Variants in VWA8 observed in about 807,000 individuals in gnomAD.
VWA8 encodes von Willebrand factor A domain containing 8, also known as von Willebrand factor A domain-containing protein 8.
A neutral mutation model predicts 241.5 loss-of-function variants in VWA8; 221 were observed. That is an observed-to-expected ratio of 0.91 (90% CI 0.82 to 1.02). The LOEUF is 1.02. Among genes scored for constraint, VWA8 ranks in the 50% least tolerant of loss-of-function variants. VWA8 has a pLI of 0.00. For missense variants in VWA8, 2,322 were observed against 2,328.7 expected, an observed-to-expected ratio of 1.00 and a Z score of 0.06; for synonymous variants, 852 against 827.1, an observed-to-expected ratio of 1.03 and a Z score of -0.52.
chr13:41,807,810 T>G (rs1870281919), intron 17 of VWA8: 1 of 152,208 alleles, frequency 6.6e-6, no homozygotes, highest in Middle Eastern at 3.4e-3. Flanking sequence ...AGCATCAATA[T>G]GGTAATCTCC....
chr13:41,599,140 T>G (rs1168533961), intron 40 of VWA8, among the ~76,000 whole-genome samples: 1 of 152,150 alleles, frequency 6.6e-6, no homozygotes, highest in Non-Finnish European at 1.5e-5. Flanking sequence ...TTTTACTAAT[T>G]AGCTTTCTTA....
chr13:41,840,892 T>G (rs1470108726), intron 12 of VWA8, among the ~76,000 whole-genome samples: 1 of 152,086 alleles, frequency 6.6e-6, no homozygotes, highest in Non-Finnish European at 1.5e-5. Flanking sequence ...GAACAACATG[T>G]TAAAGAGTTA....
At chr13:41,584,455 G>A (rs2044403964) in intron 42 of VWA8, among the ~76,000 whole-genome samples, 1 of 152,134 alleles carries the variant, frequency 6.6e-6, no homozygotes, top group Non-Finnish European at 1.5e-5. Flanking sequence ...GGTCCACCTT[G>A]TCCCTCCAGA....
At chr13:41,916,112 G>C (rs1876241027) in intron 2 of VWA8, among the ~76,000 whole-genome samples, 1 of 152,140 alleles carries the variant, frequency 6.6e-6, no homozygotes, top group Non-Finnish European at 1.5e-5. Context: ...CTGTATAATA[G>C]ATACAATTGT....
At chr13:41,851,589 A>G (rs1872535450) in intron 12 of VWA8, among the ~76,000 whole-genome samples, 1 of 152,126 alleles carries the variant, frequency 6.6e-6, no homozygotes, top group African/African-American at 2.4e-5. Flanking sequence ...AGGGGTTTCC[A>G]CTTTCACTTC....
At chr13:41,578,046 C>A (rs9566798) in intron 42 of VWA8, among the ~76,000 whole-genome samples, 3,271 of 152,254 alleles carry the variant, frequency 0.021, 82 homozygotes, top group East Asian at 0.1. Flanking sequence ...ATCTATCTAC[C>A]ATTTAAATAT....
At chr13:41,795,783 G>T (rs528311883) in intron 17 of VWA8, among the ~76,000 whole-genome samples, 6 of 152,156 alleles carry the variant, frequency 3.9e-5, no homozygotes, top group African/African-American at 1.4e-4. Flanking sequence ...AACACACACT[G>T]GAGCCTCTTG....
At chr13:41,866,286 T>G (rs1047162309) in intron 10 of VWA8, among the ~76,000 whole-genome samples, 3 of 151,408 alleles carry the variant, frequency 2.0e-5, no homozygotes, top group African/African-American at 4.9e-5. Context: ...GAGGCGGAGG[T>G]TGCAGTGAGC....
intron 37 of VWA8, among the ~76,000 whole-genome samples, chr13:41,626,088 G>T (rs867387131): frequency 4.4e-5 from 5 of 113,046 alleles, no homozygotes; most frequent in South Asian, 4.0e-4. Context: ...GTTGTGGGGT[G>T]GGGGGAGGGG....
chr13:41,891,637 C>G, intron 4 of VWA8, 50 bp from the exon 5 acceptor site: 1 of 1,594,484 alleles, frequency 6.3e-7, no homozygotes, highest in Non-Finnish European at 8.6e-7. Context: ...AGTTGCAGAG[C>G]TTGGCCTAAC....
At chr13:41,777,911 C>G in intron 20 of VWA8, 74 bp downstream of exon 20, 1 of 1,308,768 alleles carries the variant, frequency 7.6e-7, no homozygotes, top group Non-Finnish European at 1.1e-6. Context: ...CTGATTCCAA[C>G]AAGAAGAAAC....
At chr13:41,821,079 C>A (rs975211053) in intron 14 of VWA8, among the ~76,000 whole-genome samples, 1 of 152,196 alleles carries the variant, frequency 6.6e-6, no homozygotes, top group Admixed American at 6.5e-5. Flanking sequence ...TAATTTATAT[C>A]CTTAAACCAG....
At chr13:41,895,792 A>G (rs747843307) in intron 4 of VWA8, among the ~76,000 whole-genome samples, 20 of 146,556 alleles carry the variant, frequency 1.4e-4, no homozygotes, top group Non-Finnish European at 2.9e-4. Context: ...AACAAACTTC[A>G]GTTTAAGCCT....
chr13:41,948,587 A>G (rs1327047614), intron 2 of VWA8, among the ~76,000 whole-genome samples: 1 of 152,210 alleles, frequency 6.6e-6, no homozygotes, highest in East Asian at 1.9e-4. Context: ...TGGTAGACTA[A>G]GATTAAAAAG....
intron 13 of VWA8, among the ~76,000 whole-genome samples, chr13:41,832,936 TTCTC>T (rs1390158901): frequency 6.7e-6 from 1 of 149,798 alleles, no homozygotes; most frequent in African/African-American, 2.5e-5. Context: ...AAAACTACTT[TTCTC>T]TCTCTCAAAA....
chr13:41,581,148 C>G (rs1039031241), intron 42 of VWA8, among the ~76,000 whole-genome samples: 1 of 127,478 alleles, frequency 7.8e-6, no homozygotes, highest in Non-Finnish European at 1.5e-5. Context: ...CTACAGGCGC[C>G]CGCCACCTCG....
intron 43 of VWA8, among the ~76,000 whole-genome samples, chr13:41,574,616 G>A (rs2044339497): frequency 6.6e-6 from 1 of 152,118 alleles, no homozygotes; most frequent in Non-Finnish European, 1.5e-5. Context: ...GATAGCCAAA[G>A]CAATACTAAG....
chr13:41,670,938 A>C lies in VWA8; in HGVS notation c.4611+8T>G. 6.2e-7 allele frequency: 1 copy of C among 1,613,220 alleles called. No individual in the cohort carries two copies. The highest frequency in any genetic ancestry group is 8.5e-7 in the Non-Finnish European group (1 of 1,179,706). On this transcript the variant is annotated splice_region_variant and intron_variant, in intron 37 of 44. Transcript: ENST00000379310. ...ACCTCTAAGAGATAAGGTGAATTCA[A>C]ATGGTACCTGCATATTTCTGTCATC...
chr13:41,947,943 AAAAAAAAAAACAAAAC>A (rs1050144001), intron 2 of VWA8, among the ~76,000 whole-genome samples: 9 of 148,610 alleles, frequency 6.1e-5, no homozygotes, highest in South Asian at 2.2e-4. Context: ...AAAAAAAAAA[AAAAAAAAAAACAAAAC>A]AAAACATTTT....
Sources: gnomAD v4.1 joint callset for allele counts (sites outside exome capture counted in the v4.1 genomes callset) on GRCh38, gnomAD v4.1.1 for gene constraint, MANE v1.5 for transcripts, NCBI Gene and HGNC (gene_info 2026-07-23, HGNC 2026-07-21) for gene names.